Variants in ZNF563 observed in about 807,000 individuals in gnomAD.
ZNF563 encodes zinc finger protein 563.
In ZNF563, 39 loss-of-function variants were observed where a neutral mutation model predicts 48.5. The ratio of observed to expected loss-of-function variants is 0.80; its 90% CI spans 0.62 to 1.05. The LOEUF is 1.05. ZNF563 is among the 50% of genes least tolerant of loss of function. The probability of loss-of-function intolerance (pLI) is 0.00; values close to 1 mark genes in which losing one functional copy is unlikely to be tolerated. For synonymous variants in ZNF563, 168 were observed against 187.9 expected (o/e 0.89, Z 0.87); for missense variants, 538 against 597.0 (o/e 0.90, Z 1.03).
intron 1 of ZNF563, among the ~76,000 whole-genome samples, chr19:12,330,853 AAGAGCCTTGAG>A (rs1968902120): frequency 6.6e-6 from 1 of 152,226 alleles, no homozygotes; most frequent in African/African-American, 2.4e-5. Context: ...AAAGTATTTT[AAGAGCCTTGAG>A]ACAGTATTCA....
chr19:12,321,903 A>G (rs954967586), intron 2 of ZNF563, among the ~76,000 whole-genome samples: 13 of 152,070 alleles, frequency 8.5e-5, no homozygotes, highest in Non-Finnish European at 1.6e-4. Context: ...TTAATCATAC[A>G]CTTAATGAAT....
In ZNF563 at chr19:12,319,315, T is replaced by TA; in HGVS notation, c.709dup (p.Tyr237LeufsTer8). ...TCTCTCATGTCTTCGATAGGAACTG[T>TA]AAAAAGGAAAGGCTTTAGAACACTG... On this transcript the variant is annotated frameshift_variant, in exon 4 of 4. Coordinates refer to ENST00000293725, the MANE Select transcript of ZNF563 (RefSeq NM_145276.3). LOFTEE classifies it high-confidence loss of function. 6.2e-7 allele frequency: 1 copy of TA among 1,613,464 alleles called. No individual in the cohort carries two copies. The highest frequency in any genetic ancestry group is 8.5e-7 in the Non-Finnish European group (1 of 1,179,820).
At position 12,319,481 on chromosome 19, in the gene ZNF563, T is replaced by C. The variant is rs1429209899; in HGVS notation, c.544A>G (p.Arg182Gly). Residue 182 changes from arginine to glycine, a missense_variant, in exon 4 of 4, where the codon AGA (arginine) becomes GGA (glycine). Coordinates refer to ENST00000293725, the MANE Select transcript of ZNF563 (RefSeq NM_145276.3). ...KECGKTFSSR[R>G]NLRRHMVVQG... ...ACTACCATGTGTCTTCGAAGGTTTC[T>C]ACGAGAACTGAAGGTTTTTCCACAT... 4.3e-6 allele frequency: 7 copies of C among 1,614,232 alleles called. No individual in the cohort carries two copies. Among genetic ancestry groups the C allele is most frequent in the Non-Finnish European group, 5.9e-6 (7 of 1,180,038 alleles).
chr19:12,317,567 C>T lies in ZNF563; in HGVS notation c.*1027G>A, dbSNP rs1968469742. Reference sequence around the variant, plus strand: ...TGGCGCGATCTTGGCTCACCGCAACCTCCGCCTCCCGGATTCAAGTGATTA... The same window carrying T: ...TGGCGCGATCTTGGCTCACCGCAACTTCCGCCTCCCGGATTCAAGTGATTA... On this transcript the variant is annotated 3_prime_UTR_variant, in exon 4 of 4. Coordinates refer to ENST00000293725, the MANE Select transcript of ZNF563 (RefSeq NM_145276.3). 1.3e-5 allele frequency: 2 copies of T among 151,278 alleles called. No individual in the cohort carries two copies. Among genetic ancestry groups the T allele is most frequent in the Admixed American group, 1.3e-4 (2 of 15,170 alleles). 9.4% of individuals were successfully genotyped at this position (151,278 alleles called of 1,614,324 possible).
intron 3 of ZNF563, among the ~76,000 whole-genome samples, 199 bp downstream of exon 3, chr19:12,321,073 G>A (rs762297888): frequency 4.0e-5 from 6 of 151,772 alleles, no homozygotes; most frequent in Non-Finnish European, 7.4e-5. Flanking sequence ...CTGGGAGGTC[G>A]AGTCTTCAGT....
intron 1 of ZNF563, among the ~76,000 whole-genome samples, chr19:12,326,465 GA>G (rs1477628334): frequency 1.3e-5 from 2 of 152,054 alleles, no homozygotes; most frequent in Non-Finnish European, 2.9e-5. Flanking sequence ...CCAACATGGT[GA>G]AATCTCGTCT....
upstream of ZNF563, among the ~76,000 whole-genome samples, chr19:12,336,983 C>T (rs538665430): frequency 1.7e-3 from 256 of 152,314 alleles, no homozygotes; most frequent in African/African-American, 5.8e-3. Flanking sequence ...AAACAGTCTT[C>T]TCAGATAGTA....
At chr19:12,325,587 G>A (rs909759866) in intron 1 of ZNF563, among the ~76,000 whole-genome samples, 1 of 152,094 alleles carries the variant, frequency 6.6e-6, no homozygotes. Flanking sequence ...TTGTGGAACT[G>A]AGAGAGCCAC....
chr19:12,333,535 G>T lies in ZNF563; in HGVS notation c.-53C>A. The T allele has an allele frequency of 1.2e-6, 2 of 1,611,130 alleles. No homozygotes were observed. The highest frequency in any genetic ancestry group is 1.7e-6 in the Non-Finnish European group (2 of 1,178,406). ...CCTCCCTCTGCCTCCCGCTGCCAGT[G>T]CGGGTCCCACTGTGACAGAGGCTGC... On this transcript the variant is annotated 5_prime_UTR_variant, in exon 1 of 4. Transcript: ENST00000293725.
chr19:12,327,811 T>C (rs867082048), intron 1 of ZNF563, among the ~76,000 whole-genome samples: 66 of 152,268 alleles, frequency 4.3e-4, no homozygotes, highest in African/African-American at 1.2e-3. Context: ...AAGGCATAGA[T>C]AGTGAGTTCA....
At chr19:12,340,994 A>G in the ZNF563 span, among the ~76,000 whole-genome samples, 1 of 152,144 alleles carries the variant, frequency 6.6e-6, no homozygotes, top group African/African-American at 2.4e-5. Context: ...TGGAAGGTGT[A>G]GGTGGAAATA....
chr19:12,340,116 C>T, the ZNF563 span, among the ~76,000 whole-genome samples: 1 of 152,174 alleles, frequency 6.6e-6, no homozygotes, highest in African/African-American at 2.4e-5. Context: ...GGGCAGATAC[C>T]TTGAGGTAAG....
chr19:12,332,498 G>A (rs1968947796), intron 1 of ZNF563, among the ~76,000 whole-genome samples: 1 of 151,996 alleles, frequency 6.6e-6, no homozygotes, highest in Non-Finnish European at 1.5e-5. Flanking sequence ...TTACAGGCAT[G>A]TGACACCACG....
At position 12,318,283 on chromosome 19, in the gene ZNF563, G is replaced by A. The variant is rs1007870284; in HGVS notation, c.*311C>T. 1 of 373,704 alleles carries A rather than the reference G, an allele frequency of 2.7e-6. No individual in the cohort carries two copies. Among genetic ancestry groups the A allele is most frequent in the Non-Finnish European group, 4.9e-6 (1 of 205,964 alleles). 23.1% of individuals were successfully genotyped at this position (373,704 alleles called of 1,614,324 possible). A position where few individuals can be genotyped will look rare whatever the true frequency, so the allele number is the denominator to read the frequency against. ...GCTGGGATTACAGGCGTGAGCCACT[G>A]TGCCCAGCCTCATGTACTTTTAAGT... On this transcript the variant is annotated 3_prime_UTR_variant, in exon 4 of 4. Coordinates refer to ENST00000293725, the MANE Select transcript of ZNF563 (RefSeq NM_145276.3).
At position 12,318,297 on chromosome 19, in the gene ZNF563, G is replaced by A. The variant is rs992033198; in HGVS notation, c.*297C>T. On this transcript the variant is annotated 3_prime_UTR_variant, in exon 4 of 4. Coordinates refer to ENST00000293725, the MANE Select transcript of ZNF563 (RefSeq NM_145276.3). ...CGTGAGCCACTGTGCCCAGCCTCATGTACTTTTAAGTTACCAAAATGACTG... is the reference window on the plus strand; with the variant it reads ...CGTGAGCCACTGTGCCCAGCCTCATATACTTTTAAGTTACCAAAATGACTG... 8 of 416,452 alleles carry A rather than the reference G, an allele frequency of 1.9e-5. No individual in the cohort carries two copies. Among genetic ancestry groups the A allele is most frequent in the African/African-American group, 4.1e-5 (2 of 49,172 alleles). 25.8% of individuals were successfully genotyped at this position (416,452 alleles called of 1,614,324 possible). A position where few individuals can be genotyped will look rare whatever the true frequency, so the allele number is the denominator to read the frequency against.
chr19:12,335,369 T>C (rs28522012), upstream of ZNF563, among the ~76,000 whole-genome samples: 7,415 of 152,154 alleles, frequency 0.049, 602 homozygotes, highest in African/African-American at 0.17. Context: ...ACTCTAACTT[T>C]CCATTGTCCT....
chr19:12,344,930 T>C, the ZNF563 span, among the ~76,000 whole-genome samples: 7 of 151,918 alleles, frequency 4.6e-5, no homozygotes, highest in African/African-American at 1.2e-4. Context: ...GAATAAACAA[T>C]AGACTAACAA....
intron 1 of ZNF563, among the ~76,000 whole-genome samples, chr19:12,332,747 G>A (rs1968954489): frequency 6.6e-6 from 1 of 152,122 alleles, no homozygotes; most frequent in African/African-American, 2.4e-5. Flanking sequence ...TGCTGCCTTG[G>A]CACTATCAAT....
At chr19:12,344,120 C>G in the ZNF563 span, among the ~76,000 whole-genome samples, 1 of 152,034 alleles carries the variant, frequency 6.6e-6, no homozygotes, top group East Asian at 1.9e-4. Flanking sequence ...TGGCCAGGAA[C>G]AGTGGCTCAT....
Sources: allele counts gnomAD v4.1 joint callset (sites outside exome capture counted in the v4.1 genomes callset), GRCh38; gene constraint gnomAD v4.1.1; transcripts MANE v1.5; gene names NCBI Gene and HGNC (gene_info 2026-07-23, HGNC 2026-07-21).